Variants in ADK observed in about 807,000 individuals in gnomAD.
The protein encoded by ADK is adenosine kinase.
In ADK, 24 loss-of-function variants were observed where a neutral mutation model predicts 44.7. That is an observed-to-expected ratio of 0.54 (90% CI 0.39 to 0.76). The LOEUF (loss-of-function observed/expected upper bound fraction) is 0.76, where lower values mean the gene tolerates loss of function less well. Among genes scored for constraint, ADK ranks in the 30% least tolerant of loss-of-function variants. The pLI is 0.00. For missense variants in ADK, 321 were observed against 425.1 expected (o/e 0.76, Z 2.15); for synonymous variants, 128 against 142.6 (o/e 0.90, Z 0.73).
chr10:74,692,180 A>T (rs963992149), intron 10 of ADK, among the ~76,000 whole-genome samples: 11 of 152,166 alleles, frequency 7.2e-5, no homozygotes, highest in African/African-American at 2.7e-4. Context: ...TCAGCCAACA[A>T]AAAGTAATGA....
chr10:74,604,083 T>G (rs945104989), intron 9 of ADK, among the ~76,000 whole-genome samples: 2 of 152,230 alleles, frequency 1.3e-5, no homozygotes, highest in African/African-American at 4.8e-5. Flanking sequence ...CTTTGCCCAC[T>G]TTTTGATGTG....
At chr10:74,230,544 T>A (rs1393507114) in intron 3 of ADK, among the ~76,000 whole-genome samples, 1 of 151,742 alleles carries the variant, frequency 6.6e-6, no homozygotes, top group Non-Finnish European at 1.5e-5. Context: ...TGATCATGGC[T>A]CACTACAGTC....
chr10:74,528,348 A>C, intron 7 of ADK: 41 of 168,608 alleles, frequency 2.4e-4, no homozygotes, highest in East Asian at 6.2e-4. Flanking sequence ...AAGGTGGAAA[A>C]TGTATTTAGA....
intron 7 of ADK, among the ~76,000 whole-genome samples, chr10:74,566,199 C>CT (rs1850661626): frequency 7.1e-6 from 1 of 141,192 alleles, no homozygotes; most frequent in African/African-American, 2.9e-5. Context: ...TTCTCTCTCT[C>CT]TCTTTTTTTT....
intron 8 of ADK, among the ~76,000 whole-genome samples, chr10:74,595,198 G>T (rs576256567): frequency 7.6e-5 from 4 of 52,736 alleles, no homozygotes; most frequent in Non-Finnish European, 1.2e-4. Context: ...AAAAAAAAAA[G>T]GCTCTATGAC....
chr10:74,285,542 A>G (rs11000958), intron 3 of ADK, among the ~76,000 whole-genome samples: 3 of 108,868 alleles, frequency 2.8e-5, no homozygotes, highest in Non-Finnish European at 4.4e-5. Context: ...CTATATATCT[A>G]TATCTATATG....
At chr10:74,259,485 C>G (rs930921962) in intron 3 of ADK, among the ~76,000 whole-genome samples, 3 of 117,398 alleles carry the variant, frequency 2.6e-5, no homozygotes, top group Non-Finnish European at 4.9e-5. Flanking sequence ...GAGACGGAGT[C>G]TTGCTCTGTC....
At chr10:74,612,066 G>A (rs1462988548) in intron 9 of ADK, among the ~76,000 whole-genome samples, 1 of 151,928 alleles carries the variant, frequency 6.6e-6, no homozygotes, top group African/African-American at 2.4e-5. Context: ...TTTCCACAGG[G>A]GCCAAACTAA....
intron 6 of ADK, among the ~76,000 whole-genome samples, chr10:74,471,943 G>A (rs1334302070): frequency 3.3e-5 from 5 of 152,090 alleles, no homozygotes; most frequent in African/African-American, 1.2e-4. Context: ...ACAAGATTGT[G>A]TTATCTAAAG....
chr10:74,168,183 T>C (rs1009133136), intron 1 of ADK, among the ~76,000 whole-genome samples: 1 of 152,214 alleles, frequency 6.6e-6, no homozygotes, highest in African/African-American at 2.4e-5. Context: ...GCCAAATCTG[T>C]AGTGTCTCCT....
intron 7 of ADK, among the ~76,000 whole-genome samples, chr10:74,529,056 T>G (rs769036672): frequency 2.0e-5 from 3 of 152,278 alleles, no homozygotes; most frequent in Non-Finnish European, 2.9e-5. Flanking sequence ...CTCAGATAAT[T>G]GTACACCAAT....
At chr10:74,342,078 T>C (rs1841601031) in intron 4 of ADK, among the ~76,000 whole-genome samples, 1 of 152,154 alleles carries the variant, frequency 6.6e-6, no homozygotes, top group African/African-American at 2.4e-5. Flanking sequence ...AAAGAGCCCA[T>C]ATACATTAGC....
intron 2 of ADK, among the ~76,000 whole-genome samples, chr10:74,223,496 AC>A (rs1844404737): frequency 6.6e-6 from 1 of 152,198 alleles, no homozygotes. Context: ...AGGAAAATCA[AC>A]ATGACCTTTC....
rs377245361 is a variant in ADK, at chr10:74,325,402, C to G, written c.273+10657C>G. ...ATTTTGGTACATTCTTTAGGGTTTTCTGTGTATGAGATCTTGTTGTCTTCA... is the reference window on the plus strand; with the variant it reads ...ATTTTGGTACATTCTTTAGGGTTTTGTGTGTATGAGATCTTGTTGTCTTCA... On this transcript the variant is annotated intron_variant, in intron 4 of 10. Coordinates refer to ENST00000539909, the MANE Select transcript of ADK (RefSeq NM_006721.4). 2.3e-4 allele frequency among the ~76,000 whole-genome samples: 35 copies of G among 152,186 alleles called. 1 individual carries two copies. The highest frequency in any genetic ancestry group is 6.8e-3 in the Middle Eastern group (2 of 294).
intron 3 of ADK, among the ~76,000 whole-genome samples, chr10:74,255,108 ATAG>A (rs1457991025): frequency 1.3e-5 from 2 of 152,318 alleles, no homozygotes; most frequent in Middle Eastern, 3.4e-3. Context: ...ATAGAAAACA[ATAG>A]TAGGTTGGGG....
At chr10:74,363,111 C>A (rs570401035) in intron 4 of ADK, among the ~76,000 whole-genome samples, 3 of 152,330 alleles carry the variant, frequency 2.0e-5, no homozygotes, top group African/African-American at 7.2e-5. Flanking sequence ...AGTATCTGGG[C>A]AGTTTCTTGA....
chr10:74,537,503 C>G (rs1387788573), intron 7 of ADK, among the ~76,000 whole-genome samples: 1 of 152,152 alleles, frequency 6.6e-6, no homozygotes, highest in Non-Finnish European at 1.5e-5. Flanking sequence ...CATTGATGCC[C>G]CTTAATGCAA....
intron 3 of ADK, among the ~76,000 whole-genome samples, chr10:74,291,065 A>C (rs1423930575): frequency 1.3e-5 from 2 of 152,238 alleles, no homozygotes; most frequent in Non-Finnish European, 2.9e-5. Flanking sequence ...GCCCATATGT[A>C]AAATACGTAC....
chr10:74,525,122 GT>G, intron 6 of ADK, 133 bp from the exon 7 acceptor site: 3 of 811,148 alleles, frequency 3.7e-6, no homozygotes, highest in Non-Finnish European at 6.0e-6. Flanking sequence ...CCAGTCAAAT[GT>G]TGCTATTTTC....
Sources: allele counts gnomAD v4.1 joint callset (sites outside exome capture counted in the v4.1 genomes callset), GRCh38; gene constraint gnomAD v4.1.1; transcripts MANE v1.5; gene names NCBI Gene and HGNC (gene_info 2026-07-23, HGNC 2026-07-21).